The following MCM10 variants were observed in gnomAD, a reference collection of about 807,000 sequenced individuals.
MCM10 encodes protein MCM10 homolog.
A neutral mutation model predicts 109.9 loss-of-function variants in MCM10; 91 were observed. The observed-to-expected ratio is 0.83, with a 90% confidence interval of 0.70 to 0.99. The LOEUF (loss-of-function observed/expected upper bound fraction) is 0.99. Among genes scored for constraint, MCM10 ranks in the 50% least tolerant of loss-of-function variants. MCM10 has a pLI of 0.00. For synonymous variants in MCM10, 380 were observed against 387.2 expected (o/e 0.98, Z 0.22); for missense variants, 1,077 against 1,061.2 (o/e 1.01, Z -0.21).
rs35273956 is a variant in MCM10, at chr10:13,191,563, TAAGCAAGC to T, written c.1516+186_1516+193del. On this transcript the variant is annotated intron_variant, in intron 11 of 19. Transcript: ENST00000378714. ...TTATTCATGCACAAAAATAAATAAA[TAAGCAAGC>T]AAGCAAGCAAGCAAGCAAGCAGTCT... is the stretch of plus-strand genomic sequence containing the variant. Among the ~76,000 whole-genome samples the T allele has an allele frequency of 9.0e-3, 1,368 of 151,356 alleles. 17 individuals carry two copies. Among genetic ancestry groups the T allele is most frequent in the African/African-American group, 0.031 (1,276 of 41,232 alleles).
intron 2 of MCM10, among the ~76,000 whole-genome samples, chr10:13,169,014 G>T (rs1834036240): frequency 6.6e-6 from 1 of 152,218 alleles, no homozygotes; most frequent in Non-Finnish European, 1.5e-5. Context: ...AATAGGAAAA[G>T]GCTCCCTGGG....
chr10:13,204,538 GC>G (rs1834544305), intron 18 of MCM10, 174 bp downstream of exon 18: 1 of 719,412 alleles, frequency 1.4e-6, no homozygotes, highest in Middle Eastern at 4.0e-4. Flanking sequence ...AAGGGACCCT[GC>G]CCTTTCACTG....
At chr10:13,200,838 T>C (rs2131586895) in intron 16 of MCM10, among the ~76,000 whole-genome samples, 1 of 152,362 alleles carries the variant, frequency 6.6e-6, no homozygotes, top group East Asian at 1.9e-4. Flanking sequence ...TTATTTGTAT[T>C]TGGTGCTTTA....
chr10:13,175,565 G>T lies in MCM10; in HGVS notation c.648G>T (p.Thr216=), dbSNP rs568860384. The change falls in exon 6 of 20, where the codon ACG becomes ACT. Residue 216 remains threonine (T), a synonymous_variant. Coordinates refer to ENST00000378714, the MANE Select transcript of MCM10 (RefSeq NM_018518.5). ...GTGCACCCTCCCAACCCCTACAGACGATTTCTCGGAACAAACCTAGTGGGA... is the reference window on the plus strand; with the variant it reads ...GTGCACCCTCCCAACCCCTACAGACTATTTCTCGGAACAAACCTAGTGGGA... ...MTSAPSQPLQ[T]ISRNKPSGIT... 1 of 1,613,894 alleles carries T rather than the reference G, an allele frequency of 6.2e-7. No homozygotes were observed. Among genetic ancestry groups the T allele is most frequent in the South Asian group, 1.1e-5 (1 of 91,074 alleles).
Position 13,172,655 on chromosome 10 carries a change from A to T in MCM10, c.482A>T (p.Glu161Val). 6.2e-7 allele frequency: 1 copy of T among 1,614,110 alleles called. No homozygotes were observed. Among genetic ancestry groups the T allele is most frequent in the South Asian group, 1.1e-5 (1 of 91,064 alleles). Residue 161 changes from glutamate to valine, a missense_variant, in exon 5 of 20, where the codon GAG becomes GTG. Physicochemically the swap from Glu to Val is moderately radical, Grantham distance 121 (BLOSUM62 -2). Transcript: ENST00000378714. The surrounding 1 kb of genome is among the most constrained non-coding windows in gnomAD (Gnocchi z 5.2). Reference sequence around the variant, plus strand: ...AAGTCTCCCCGGCCACCTCTTAAGGAGAGGAGAGTTCAGAGAATTCAGGAG... The same window carrying T: ...AAGTCTCCCCGGCCACCTCTTAAGGTGAGGAGAGTTCAGAGAATTCAGGAG... ...PEKSPRPPLK[E>V]RRVQRIQEST... is the part of the protein sequence containing the mutation.
chr10:13,197,974 G>A (rs1045032784), intron 15 of MCM10, among the ~76,000 whole-genome samples: 15 of 149,868 alleles, frequency 1.0e-4, no homozygotes, highest in East Asian at 2.0e-4. Context: ...GTGCAGTGGC[G>A]CAGTCTTGGC....
At chr10:13,188,151 A>G (rs1212043484) in intron 9 of MCM10, among the ~76,000 whole-genome samples, 1 of 152,046 alleles carries the variant, frequency 6.6e-6, no homozygotes, top group East Asian at 1.9e-4. Context: ...TCTCCAAAAA[A>G]AAATCCATTG....
At chr10:13,197,873 C>A in intron 15 of MCM10, 106 bp downstream of exon 15, 1 of 1,163,816 alleles carries the variant, frequency 8.6e-7, no homozygotes, top group Non-Finnish European at 1.2e-6. Flanking sequence ...CTTCCATTTC[C>A]TCCTATATAG....
intron 17 of MCM10, among the ~76,000 whole-genome samples, chr10:13,203,309 A>G (rs1411284466): frequency 6.6e-6 from 1 of 152,030 alleles, no homozygotes; most frequent in Admixed American, 6.6e-5. Context: ...CACTTCCTCC[A>G]TGCAGCCAGC....
In MCM10 at chr10:13,197,665, A is replaced by T; in HGVS notation, c.2017A>T (p.Thr673Ser). 6.2e-7 allele frequency: 1 copy of T among 1,614,096 alleles called. No individual in the cohort carries two copies. Among genetic ancestry groups the T allele is most frequent in the Non-Finnish European group, 8.5e-7 (1 of 1,179,998 alleles). ...TKLRAKGQVL[T>S]KTNPNSIKKK... The stretch of plus-strand genomic sequence containing the variant: ...ATTAAGGGCAAAAGGCCAGGTTCTT[A>T]CAAAAACAAACCCAAACAGCATTAA... The change falls in exon 15 of 20, where the codon ACA becomes TCA. Residue 673 changes from threonine to serine, a missense_variant. Coordinates refer to ENST00000378714, the MANE Select transcript of MCM10 (RefSeq NM_018518.5).
Position 13,186,178 on chromosome 10 carries a change from C to T in MCM10, c.1113C>T (p.Ile371=), listed in dbSNP as rs61755071. The T allele has an allele frequency of 2.3e-3, 3,683 of 1,608,618 alleles. 7 individuals carry two copies. The highest frequency in any genetic ancestry group is 2.8e-3 in the Non-Finnish European group (3,283 of 1,175,668). The change falls in exon 9 of 20, where the codon ATC becomes ATT. Residue 371 remains isoleucine, a synonymous_variant. Transcript: ENST00000378714. The part of the protein sequence containing the change: ...KDGSEEVCLS[I]DHPQKVLIMG... ...TTTTCTTACAGGTGTGTTTATCTATCGATCATCCTCAGAAGGTCTTAATTA... is the reference window on the plus strand; with the variant it reads ...TTTTCTTACAGGTGTGTTTATCTATTGATCATCCTCAGAAGGTCTTAATTA...
chr10:13,170,678 T>TTTTG (rs747445575), intron 2 of MCM10, among the ~76,000 whole-genome samples: 130 of 151,476 alleles, frequency 8.6e-4, no homozygotes, highest in Middle Eastern at 3.4e-3. Flanking sequence ...TTTTTGTTTT[T>TTTTG]TTTGTTTGTT....
rs745949552 is a variant in MCM10, at chr10:13,197,785, T to G, written c.2119+18T>G. 26 of 1,598,482 alleles carry G rather than the reference T, an allele frequency of 1.6e-5. No individual in the cohort carries two copies. In the East Asian group the frequency reaches 5.4e-4, roughly 33 times the overall value. On this transcript the variant is annotated intron_variant, in intron 15 of 19. Coordinates refer to ENST00000378714, the MANE Select transcript of MCM10 (RefSeq NM_018518.5). ...TTCTCAAGGTACTGCAGTTTCACAG[T>G]TAACAGTGGGAAAGAGAAACTGTTT...
chr10:13,186,357 T>G, intron 9 of MCM10, 77 bp downstream of exon 9: 1 of 959,440 alleles, frequency 1.0e-6, no homozygotes, highest in East Asian at 2.5e-5. Context: ...GCTTTAGCTG[T>G]GATGACCAGT....
At chr10:13,207,071 C>T (rs1834591717) in intron 18 of MCM10, among the ~76,000 whole-genome samples, 1 of 152,134 alleles carries the variant, frequency 6.6e-6, no homozygotes, top group East Asian at 1.9e-4. Flanking sequence ...GCCCAAAGTG[C>T]TGGGATTGCA....
At chr10:13,174,310 G>A (rs2131561408) in intron 5 of MCM10, among the ~76,000 whole-genome samples, 1 of 151,980 alleles carries the variant, frequency 6.6e-6, no homozygotes, top group Non-Finnish European at 1.5e-5. Flanking sequence ...TGTATTTTTA[G>A]TAGAGACAGG....
intron 1 of MCM10, among the ~76,000 whole-genome samples, chr10:13,163,315 C>G (rs1038581766): frequency 2.6e-5 from 4 of 152,040 alleles, no homozygotes; most frequent in East Asian, 3.9e-4. Context: ...CCAGCCCCAG[C>G]GACAGAGCGA....
intron 1 of MCM10, among the ~76,000 whole-genome samples, chr10:13,163,539 C>T (rs1330333651): frequency 6.6e-6 from 1 of 152,182 alleles, no homozygotes; most frequent in Non-Finnish European, 1.5e-5. Flanking sequence ...CTGTGCTTTG[C>T]TGACTAGTAT....
At position 13,180,515 on chromosome 10, in the gene MCM10, A is replaced by C; in HGVS notation, c.838A>C (p.Lys280Gln). 6 of 1,614,152 alleles carry C rather than the reference A, an allele frequency of 3.7e-6. No homozygotes were observed. The highest frequency in any genetic ancestry group is 4.2e-6 in the Non-Finnish European group (5 of 1,180,032). ...AAAACTGATCAGACTGTCTCAGATC[A>C]AGGAAAAGATGGCCAGAGAGAAGCT... ...GRKLIRLSQI[K>Q]EKMAREKLEE... is the part of the protein sequence containing the mutation. Residue 280 changes from lysine to glutamine, a missense_variant, in exon 7 of 20, where the codon AAG becomes CAG. Coordinates refer to ENST00000378714, the MANE Select transcript of MCM10 (RefSeq NM_018518.5).
Sources: allele counts gnomAD v4.1 joint callset (sites outside exome capture counted in the v4.1 genomes callset), GRCh38; gene constraint gnomAD v4.1.1; non-coding constraint Gnocchi (gnomAD v3.1); transcripts MANE v1.5; gene names NCBI Gene and HGNC (gene_info 2026-07-23, HGNC 2026-07-21).